The following ARHGEF10L variants were observed in gnomAD, a reference collection of about 807,000 sequenced individuals.
ARHGEF10L encodes rho guanine nucleotide exchange factor 10-like protein.
Under a neutral mutation model 141.2 loss-of-function variants are expected in ARHGEF10L, and 69 were observed. That is an observed-to-expected ratio of 0.49 (90% CI 0.40 to 0.60). ARHGEF10L has a LOEUF of 0.60. Among genes scored for constraint, ARHGEF10L ranks in the 20% least tolerant of loss-of-function variants. ARHGEF10L has a pLI of 0.00. For missense variants in ARHGEF10L, 1,482 were observed against 1,734.3 expected (o/e 0.85, Z 2.58); for synonymous variants, 711 against 718.5 (o/e 0.99, Z 0.17).
chr1:17,621,791 G>A lies in ARHGEF10L; in HGVS notation c.943-73G>A. On this transcript the variant is annotated intron_variant, in intron 10 of 28. Transcript: ENST00000361221. This position sits in a 1 kb window ranked among gnomAD's most constrained non-coding sequence, Gnocchi z 4.1. ...GGGTTTCTCTGTCCTATAGTTGTCA[G>A]CTCCCCTTCCTGTCACTTGGGCCCT... is the stretch of plus-strand genomic sequence containing the variant. 2 of 1,162,376 alleles carry A rather than the reference G, an allele frequency of 1.7e-6. No homozygotes were observed. The highest frequency in any genetic ancestry group is 2.5e-6 in the Non-Finnish European group (2 of 806,244). The allele number at this position is 1,162,376 out of a possible 1,614,324, so 72.0% of individuals were successfully genotyped here.
At chr1:17,609,309 C>G (rs559470332) in intron 7 of ARHGEF10L, among the ~76,000 whole-genome samples, 1 of 152,326 alleles carries the variant, frequency 6.6e-6, no homozygotes, top group African/African-American at 2.4e-5. Flanking sequence ...CTGAGCAAGC[C>G]TGGGACTGAG....
chr1:17,603,566 C>A lies in ARHGEF10L; in HGVS notation c.408C>A (p.Cys136Ter). 3 of 1,613,532 alleles carry A rather than the reference C, an allele frequency of 1.9e-6. No individual in the cohort carries two copies. The highest frequency in any genetic ancestry group is 2.5e-6 in the Non-Finnish European group (3 of 1,179,732). ...ATGTGATTTATGACGACGTCCCCTG[C>A]GAGAGCCCAGATGCGCATCAGCCCG... ...EEDVIYDDVPCESPDAHQPGA... is the reference protein window; with the variant it reads ...EEDVIYDDVP Residue 136 changes from cysteine (C) to a stop codon, truncating the protein, a stop_gained, in exon 6 of 29, where the codon TGC becomes TGA. Coordinates refer to ENST00000361221, the MANE Select transcript of ARHGEF10L (RefSeq NM_018125.4). LOFTEE classifies it high-confidence loss of function. The surrounding 1 kb of genome is among the most constrained non-coding windows in gnomAD (Gnocchi z 4.8).
Position 17,623,620 on chromosome 1 carries a change from C to T in ARHGEF10L, c.1200+445C>T, listed in dbSNP as rs777491399. 1.4e-4 allele frequency among the ~76,000 whole-genome samples: 21 copies of T among 152,110 alleles called. 1 individual carries two copies. The highest frequency in any genetic ancestry group is 2.6e-4 in the Admixed American group (4 of 15,276). On this transcript the variant is annotated intron_variant, in intron 12 of 28. Transcript: ENST00000361221. The surrounding 1 kb of genome is among the most constrained non-coding windows in gnomAD (Gnocchi z 4.7). ...ACGATCCGGGGGACCTGGTTCTGGT[C>T]CCAGCTCAGTTCTGCAACCTAGGGC...
chr1:17,531,523 T>A, the ARHGEF10L span, among the ~76,000 whole-genome samples: 48 of 152,322 alleles, frequency 3.2e-4, no homozygotes, highest in African/African-American at 8.2e-4. Context: ...TGTGTGACCT[T>A]GGACAAGTCA....
chr1:17,608,585 C>T (rs1480177202), intron 7 of ARHGEF10L, among the ~76,000 whole-genome samples: 2 of 152,130 alleles, frequency 1.3e-5, no homozygotes, highest in Non-Finnish European at 2.9e-5. Context: ...TGGAGGGGAG[C>T]CCCTGAGGCT....
chr1:17,591,343 A>C (rs1196264315), intron 4 of ARHGEF10L, among the ~76,000 whole-genome samples: 1 of 150,292 alleles, frequency 6.7e-6, no homozygotes, highest in East Asian at 2.0e-4. Context: ...TCCAGGCTTG[A>C]GCGATTCTCC....
At chr1:17,532,713 G>C in the ARHGEF10L span, among the ~76,000 whole-genome samples, 8 of 151,326 alleles carry the variant, frequency 5.3e-5, no homozygotes, top group African/African-American at 1.9e-4. Flanking sequence ...TCCTGCCTCA[G>C]CCTCCCGAGT....
At chr1:17,613,385 C>A (rs1444457078) in intron 8 of ARHGEF10L, among the ~76,000 whole-genome samples, 1 of 152,210 alleles carries the variant, frequency 6.6e-6, no homozygotes, top group African/African-American at 2.4e-5. Flanking sequence ...CATGTTCTCA[C>A]CCCTATCTTT....
chr1:17,679,291 T>C (rs1243382148), intron 26 of ARHGEF10L, among the ~76,000 whole-genome samples: 6 of 152,190 alleles, frequency 3.9e-5, no homozygotes, highest in African/African-American at 1.4e-4. Flanking sequence ...CTGCTCCTGG[T>C]GCACAACCTC....
chr1:17,640,331 A>G (rs1415308950), intron 21 of ARHGEF10L, 29 bp downstream of exon 21: 1 of 1,572,050 alleles, frequency 6.4e-7, no homozygotes, highest in African/African-American at 1.3e-5. Context: ...AGAGTGCCTC[A>G]GGGGGCAGGG....
chr1:17,616,464 C>T (rs773216777), intron 9 of ARHGEF10L, among the ~76,000 whole-genome samples: 17 of 152,214 alleles, frequency 1.1e-4, no homozygotes, highest in African/African-American at 2.9e-4. Context: ...GCTTTTGTCA[C>T]GGCCGTCTTG....
At chr1:17,696,041 T>TAAAAAA (rs1051163090) in intron 28 of ARHGEF10L, among the ~76,000 whole-genome samples, 2 of 148,828 alleles carry the variant, frequency 1.3e-5, no homozygotes, top group African/African-American at 5.0e-5. Context: ...TACTAAAAAA[T>TAAAAAA]AAAAAAAAAT....
chr1:17,616,075 C>A lies in ARHGEF10L; in HGVS notation c.727-19C>A, dbSNP rs373574690. On this transcript the variant is annotated intron_variant, in intron 8 of 28. Transcript: ENST00000361221. ...CCCAGGCCGTCCCTTCCCTGATGAG[C>A]CTCTCTACCTTTGCTCAGATGACCC... The A allele has an allele frequency of 1.9e-6, 3 of 1,609,196 alleles. No homozygotes were observed. The South Asian group carries it at 3.3e-5, about 18-fold the overall frequency.
chr1:17,659,092 G>A (rs2102078549), intron 25 of ARHGEF10L, among the ~76,000 whole-genome samples: 1 of 152,320 alleles, frequency 6.6e-6, no homozygotes, highest in South Asian at 2.1e-4. Flanking sequence ...GTGTGTCAGG[G>A]AGTAGAGAGG....
chr1:17,570,445 C>A (rs914378974), intron 1 of ARHGEF10L, among the ~76,000 whole-genome samples: 35 of 151,894 alleles, frequency 2.3e-4, no homozygotes, highest in African/African-American at 7.3e-4. Flanking sequence ...AGTGCAAAGG[C>A]CCTGAGGCAG....
At chr1:17,662,453 G>C (rs575923651) in intron 25 of ARHGEF10L, among the ~76,000 whole-genome samples, 6 of 152,210 alleles carry the variant, frequency 3.9e-5, no homozygotes, top group South Asian at 2.1e-4. Context: ...TTCTGAGGCC[G>C]AGGACTGCCC....
At chr1:17,622,922 C>G (rs889008905) in intron 11 of ARHGEF10L, 74 bp from the exon 12 acceptor site, 10 of 1,500,898 alleles carry the variant, frequency 6.7e-6, no homozygotes, top group East Asian at 2.3e-5. Context: ...CATGGCTGGC[C>G]GAGTTCTGCA....
At chr1:17,667,598 G>A (rs2063065400) in intron 26 of ARHGEF10L, among the ~76,000 whole-genome samples, 1 of 152,264 alleles carries the variant, frequency 6.6e-6, no homozygotes, top group African/African-American at 2.4e-5. Context: ...GAAACAGGAG[G>A]CAGGGTAAAC....
chr1:17,687,782 C>A (rs1467493659), intron 27 of ARHGEF10L, 35 bp downstream of exon 27: 2 of 1,539,528 alleles, frequency 1.3e-6, no homozygotes, highest in Admixed American at 3.9e-5. Flanking sequence ...AGCGGACAGT[C>A]ACAGAGCACC....
Sources: allele counts gnomAD v4.1 joint callset (sites outside exome capture counted in the v4.1 genomes callset), GRCh38; gene constraint gnomAD v4.1.1; non-coding constraint Gnocchi (gnomAD v3.1); transcripts MANE v1.5; gene names NCBI Gene and HGNC (gene_info 2026-07-23, HGNC 2026-07-21).